The following GRID1 variants were observed in gnomAD, a reference collection of about 807,000 sequenced individuals.
GRID1 encodes glutamate ionotropic receptor delta type subunit 1.
GRID1 carries 28 observed loss-of-function variants against 98.0 expected under a neutral mutation model. The observed-to-expected ratio is 0.29, with a 90% CI of 0.21 to 0.39. The LOEUF (loss-of-function observed/expected upper bound fraction) is 0.39. Ranked by LOEUF, GRID1 falls within the 10% of genes least tolerant of loss-of-function variation. The pLI, the probability that GRID1 is intolerant of heterozygous loss-of-function variation, is 1.00. For synonymous variants in GRID1, 553 were observed against 538.5 expected, an observed-to-expected ratio of 1.03 and a Z score of -0.37; for missense variants, 1,111 against 1,340.5, an observed-to-expected ratio of 0.83 and a Z score of 2.67.
At chr10:86,180,106 G>A (rs547254762) in intron 3 of GRID1, among the ~76,000 whole-genome samples, 1 of 152,206 alleles carries the variant, frequency 6.6e-6, no homozygotes, top group East Asian at 1.9e-4. Context: ...GCTGGACAAA[G>A]GGAGGCCAGC....
Position 86,136,940 on chromosome 10 carries a change from C to A in GRID1, c.726+1879G>T, listed in dbSNP as rs138203010. 1.1e-3 allele frequency among the ~76,000 whole-genome samples: 161 copies of A among 152,162 alleles called. 1 individual carries two copies. The highest frequency in any genetic ancestry group is 3.7e-4 in the Non-Finnish European group (25 of 68,014). ...CCATGTAACAAATCTGCACATGTAC[C>A]CCCTGTACCTAAAATAAAAGTTGAA... On this transcript the variant is annotated intron_variant, in intron 4 of 15. Transcript: ENST00000327946.
chr10:86,263,815 G>A (rs1218776707), intron 2 of GRID1, among the ~76,000 whole-genome samples: 1 of 152,178 alleles, frequency 6.6e-6, no homozygotes, highest in Admixed American at 6.5e-5. Flanking sequence ...TTTGGAGATG[G>A]GCTAGACCAC....
chr10:86,222,900 C>T (rs1284619661), intron 2 of GRID1, among the ~76,000 whole-genome samples: 3 of 152,114 alleles, frequency 2.0e-5, no homozygotes, highest in African/African-American at 7.2e-5. Context: ...GGTGCACACC[C>T]AAAACAGCAC....
intron 4 of GRID1, among the ~76,000 whole-genome samples, chr10:85,982,710 C>T (rs186593377): frequency 1.8e-4 from 28 of 152,272 alleles, no homozygotes; most frequent in Admixed American, 1.7e-3. Context: ...ATAATGTATG[C>T]AAAAAGCTGT....
intron 4 of GRID1, among the ~76,000 whole-genome samples, chr10:86,032,195 G>A (rs561186585): frequency 9.8e-4 from 149 of 152,362 alleles, no homozygotes; most frequent in Non-Finnish European, 2.0e-3. Flanking sequence ...ATCTGTGAGA[G>A]GGAGGGAGGT....
Position 85,669,914 on chromosome 10 carries a change from T to C in GRID1, c.1998-22517A>G, listed in dbSNP as rs960532874. 5.9e-5 allele frequency among the ~76,000 whole-genome samples: 9 copies of C among 152,356 alleles called. 1 individual carries two copies. The South Asian group carries it at 8.3e-4, about 14-fold the overall frequency. On this transcript the variant is annotated intron_variant, in intron 12 of 15. Coordinates refer to ENST00000327946, the MANE Select transcript of GRID1 (RefSeq NM_017551.3). ...TGCTCTGGCTTGATTCTGCTTTTCA[T>C]GCAGCATCATATTCTGCTGTGTTTT...
At chr10:86,109,971 CTTT>C (rs56917207) in intron 4 of GRID1, among the ~76,000 whole-genome samples, 2,403 of 121,010 alleles carry the variant, frequency 0.02, 32 homozygotes, top group East Asian at 0.053. Flanking sequence ...CTCTGCCATT[CTTT>C]TTTTTTTTTT....
At chr10:85,619,357 G>T (rs1842830695) in intron 14 of GRID1, among the ~76,000 whole-genome samples, 1 of 152,200 alleles carries the variant, frequency 6.6e-6, no homozygotes, top group East Asian at 1.9e-4. Context: ...GAGACATTCT[G>T]CTTCTCTGAC....
chr10:86,364,042 A>T lies in GRID1; in HGVS notation c.134T>A (p.Val45Glu). The T allele has an allele frequency of 6.2e-7, 1 of 1,613,916 alleles. No homozygotes were observed. The highest frequency in any genetic ancestry group is 2.2e-5 in the East Asian group (1 of 44,860). ...AKDDRVFQLA[V>E]SDLSLNDDIL... is the part of the protein sequence containing the mutation. The stretch of plus-strand genomic sequence containing the variant: ...GTCATCGTTGAGGCTCAGGTCGGAT[A>T]CCGCCAACTGGAACACCCTGTCGTC... Residue 45 changes from valine to glutamate, a missense_variant, in exon 2 of 16, where the codon GTA (valine) becomes GAA (glutamate). Transcript: ENST00000327946.
chr10:86,096,419 A>G (rs1844222606), intron 4 of GRID1, among the ~76,000 whole-genome samples: 1 of 152,362 alleles, frequency 6.6e-6, no homozygotes, highest in African/African-American at 2.4e-5. Flanking sequence ...CCATAGTTTT[A>G]TCTCCATTAA....
intron 4 of GRID1, among the ~76,000 whole-genome samples, chr10:86,121,581 A>AT (rs1844677011): frequency 8.1e-6 from 1 of 123,786 alleles, no homozygotes; most frequent in Admixed American, 8.1e-5. Flanking sequence ...CAACATCACC[A>AT]CCATCACCAT....
chr10:85,867,492 C>T (rs1214939791), intron 6 of GRID1, among the ~76,000 whole-genome samples: 1 of 152,184 alleles, frequency 6.6e-6, no homozygotes, highest in Non-Finnish European at 1.5e-5. Context: ...TGGGCACACA[C>T]TCCCTGAGCC....
chr10:86,203,974 C>T (rs1474802511), intron 3 of GRID1, among the ~76,000 whole-genome samples: 3 of 152,086 alleles, frequency 2.0e-5, no homozygotes, highest in Admixed American at 1.3e-4. Flanking sequence ...GGTCACTTGG[C>T]GACTTTATGG....
intron 4 of GRID1, among the ~76,000 whole-genome samples, chr10:85,993,170 G>A (rs1230426763): frequency 6.6e-6 from 1 of 152,158 alleles, no homozygotes; most frequent in Non-Finnish European, 1.5e-5. Context: ...GAGAAGAGGA[G>A]GAGGCCAGGG....
intron 4 of GRID1, among the ~76,000 whole-genome samples, chr10:86,065,949 A>C (rs1171202474): frequency 6.6e-6 from 1 of 152,186 alleles, no homozygotes; most frequent in Non-Finnish European, 1.5e-5. Context: ...CCTCCTTCCT[A>C]ACAATGCCTT....
chr10:86,032,242 G>T (rs1843195989), intron 4 of GRID1, among the ~76,000 whole-genome samples: 1 of 151,974 alleles, frequency 6.6e-6, no homozygotes, highest in Non-Finnish European at 1.5e-5. Flanking sequence ...ACCCTGTCCT[G>T]GAGGTGGGGG....
chr10:85,731,017 G>C (rs1041354440), intron 8 of GRID1, among the ~76,000 whole-genome samples: 1 of 152,042 alleles, frequency 6.6e-6, no homozygotes, highest in South Asian at 2.1e-4. Context: ...TGCTACTGGG[G>C]GCCCTAAAGT....
At chr10:86,059,084 G>A (rs1248929713) in intron 4 of GRID1, among the ~76,000 whole-genome samples, 1 of 152,202 alleles carries the variant, frequency 6.6e-6, no homozygotes, top group Non-Finnish European at 1.5e-5. Flanking sequence ...TTCCAGCAGA[G>A]GAAGCAGCAC....
intron 4 of GRID1, among the ~76,000 whole-genome samples, chr10:86,087,341 TTG>T (rs10591518): frequency 0.23 from 33,157 of 147,302 alleles, 3,603 homozygotes; most frequent in Middle Eastern, 0.26. Flanking sequence ...TTGAGTGTGT[TTG>T]TGTGTGTGTG....
Sources: gnomAD v4.1 joint callset for allele counts (sites outside exome capture counted in the v4.1 genomes callset) on GRCh38, gnomAD v4.1.1 for gene constraint, MANE v1.5 for transcripts, NCBI Gene and HGNC (gene_info 2026-07-23, HGNC 2026-07-21) for gene names.